Variants in DNAH7 observed in about 807,000 individuals in gnomAD.
The protein encoded by DNAH7 is dynein axonemal heavy chain 7.
DNAH7 carries 397 observed loss-of-function variants against 444.6 expected under a neutral mutation model. The ratio of observed to expected loss-of-function variants is 0.89; its 90% confidence interval spans 0.82 to 0.97. The LOEUF is 0.97. Ranked by LOEUF, DNAH7 falls within the 50% of genes least tolerant of loss-of-function variation. The probability of loss-of-function intolerance (pLI) is 0.00; values close to 1 mark genes in which losing one functional copy is unlikely to be tolerated. For missense variants in DNAH7, 4,902 were observed against 4,800.8 expected (o/e 1.02, Z -0.62); for synonymous variants, 1,636 against 1,624.4 (o/e 1.01, Z -0.17).
At chr2:195,926,282 T>G (rs1025977249) in intron 22 of DNAH7, 144 bp downstream of exon 22, 10 of 718,906 alleles carry the variant, frequency 1.4e-5, no homozygotes, top group Non-Finnish European at 1.4e-5. Context: ...GCAATTTTTA[T>G]TTAAAAAATC....
chr2:195,797,051 CTGGCAGTCTTGCA>C (rs1696180941), intron 55 of DNAH7, among the ~76,000 whole-genome samples: 1 of 152,170 alleles, frequency 6.6e-6, no homozygotes, highest in Admixed American at 6.6e-5. Context: ...ATGAAAGGCA[CTGGCAGTCTTGCA>C]GCAACTCCTA....
At chr2:195,936,907 T>A (rs1002231082) in intron 19 of DNAH7, 115 bp from the exon 20 acceptor site, 1 of 876,880 alleles carries the variant, frequency 1.1e-6, no homozygotes, top group Non-Finnish European at 1.6e-6. Flanking sequence ...ATGTAAATTT[T>A]AAGGGGAGTA....
At chr2:195,895,999 C>A (rs140107734) in intron 29 of DNAH7, among the ~76,000 whole-genome samples, 1 of 152,134 alleles carries the variant, frequency 6.6e-6, no homozygotes, top group Non-Finnish European at 1.5e-5. Context: ...TAGGCTACTA[C>A]AAATAAAGTG....
chr2:195,901,215 G>A (rs1180421635), intron 27 of DNAH7: 3 of 151,952 alleles, frequency 2.0e-5, no homozygotes, highest in Admixed American at 6.6e-5. Context: ...GGCTTGATTA[G>A]GGGTATTGTT....
chr2:196,036,257 C>T (rs548923494), intron 5 of DNAH7, among the ~76,000 whole-genome samples: 2 of 152,222 alleles, frequency 1.3e-5, no homozygotes, highest in South Asian at 4.1e-4. Context: ...TGGTCTCGAA[C>T]TCCTGACCTC....
At position 195,982,201 on chromosome 2, in the gene DNAH7, A is replaced by C. The variant is rs115996473; in HGVS notation, c.1833+2431T>G. 6.0e-3 allele frequency among the ~76,000 whole-genome samples: 920 copies of C among 152,200 alleles called. 8 individuals are homozygous for C. Among genetic ancestry groups the C allele is most frequent in the African/African-American group, 0.021 (886 of 41,432 alleles). ...TGAATAGATATTTTTCAAAAGACAT[A>C]CAAATGGCAAACAGGCATATGGAAA... On this transcript the variant is annotated intron_variant, in intron 15 of 64. Transcript: ENST00000312428.
intron 64 of DNAH7, among the ~76,000 whole-genome samples, 184 bp downstream of exon 64, chr2:195,740,582 T>C (rs2105872506): frequency 1.4e-5 from 1 of 73,622 alleles, no homozygotes; most frequent in South Asian, 4.9e-4. Flanking sequence ...GAATTGACTG[T>C]ATATGTGTGT....
intron 48 of DNAH7, among the ~76,000 whole-genome samples, chr2:195,832,109 T>C (rs1698104530): frequency 6.6e-6 from 1 of 152,244 alleles, no homozygotes; most frequent in South Asian, 2.1e-4. Context: ...CCTTGCAGCC[T>C]ACTATGTTCT....
chr2:195,777,979 G>T lies in DNAH7; in HGVS notation c.10885C>A (p.Pro3629Thr). ...GTCATGTACCGCAGAGCCTCATACGGCAGTTCCTAAAATAGTGCGTGTCAG... is the reference window on the plus strand; with the variant it reads ...GTCATGTACCGCAGAGCCTCATACGTCAGTTCCTAAAATAGTGCGTGTCAG... The part of the protein sequence containing the change: ...HMFLNQYEEL[P>T]YEALRYMTGE... The change falls in exon 59 of 65, where the codon CCG (proline) becomes ACG (threonine). Residue 3629 changes from proline (P) to threonine (T), a missense_variant. Physicochemically the swap from Pro to Thr is conservative, Grantham distance 38 (BLOSUM62 -1). Coordinates refer to ENST00000312428, the MANE Select transcript of DNAH7 (RefSeq NM_018897.3). 2 of 1,608,748 alleles carry T rather than the reference G, an allele frequency of 1.2e-6. No homozygotes were observed. The highest frequency in any genetic ancestry group is 8.5e-7 in the Non-Finnish European group (1 of 1,176,642).
intron 61 of DNAH7, among the ~76,000 whole-genome samples, chr2:195,770,550 T>C (rs528878766): frequency 6.6e-6 from 1 of 152,170 alleles, no homozygotes; most frequent in African/African-American, 2.4e-5. Context: ...TGAAATACTC[T>C]TCCCTGAAAC....
At chr2:195,938,730 T>C (rs1336894888) in intron 19 of DNAH7, among the ~76,000 whole-genome samples, 2 of 152,182 alleles carry the variant, frequency 1.3e-5, no homozygotes, top group African/African-American at 4.8e-5. Context: ...TTTTTTATTA[T>C]TGAATTTCCA....
chr2:195,895,028 T>G lies in DNAH7; in HGVS notation c.4844A>C (p.Lys1615Thr), dbSNP rs971047647. ...AGCTAAGACACGATATGCACTAGTT[T>G]TTCCTCCAAATGGTTCTCCAACAAT... ...FMIVGEPFGG[K>T]TSAYRVLAGA... Residue 1615 changes from lysine to threonine, a missense_variant, in exon 30 of 65, where the codon AAA (lysine) becomes ACA (threonine). Lys to Thr is a moderately conservative substitution (Grantham distance 78, BLOSUM62 -1). Coordinates refer to ENST00000312428, the MANE Select transcript of DNAH7 (RefSeq NM_018897.3). 6 of 1,612,938 alleles carry G rather than the reference T, an allele frequency of 3.7e-6. No homozygotes were observed. In the African/African-American group the frequency reaches 8.0e-5, roughly 22 times the overall value.
intron 48 of DNAH7, among the ~76,000 whole-genome samples, chr2:195,830,584 C>T (rs759189383): frequency 6.6e-6 from 1 of 152,078 alleles, no homozygotes; most frequent in East Asian, 1.9e-4. Context: ...AAAATAAGGG[C>T]AATCATGGAA....
chr2:195,873,241 A>G (rs898185057), intron 39 of DNAH7, among the ~76,000 whole-genome samples: 3 of 152,220 alleles, frequency 2.0e-5, no homozygotes, highest in Non-Finnish European at 4.4e-5. Context: ...CTTGGACACG[A>G]ATACCCCTGC....
At chr2:196,055,661 T>C (rs1325992287) in intron 2 of DNAH7, among the ~76,000 whole-genome samples, 1 of 152,242 alleles carries the variant, frequency 6.6e-6, no homozygotes, top group Non-Finnish European at 1.5e-5. Context: ...GGCAAAGGCC[T>C]GAGAAGAATG....
intron 40 of DNAH7, among the ~76,000 whole-genome samples, chr2:195,865,287 T>C (rs1441949019): frequency 6.6e-6 from 1 of 152,144 alleles, no homozygotes; most frequent in African/African-American, 2.4e-5. Flanking sequence ...GATGTAGAGA[T>C]GCTAAGAGAA....
intron 51 of DNAH7, among the ~76,000 whole-genome samples, chr2:195,812,970 T>C (rs564937661): frequency 1.3e-5 from 2 of 152,214 alleles, no homozygotes; most frequent in African/African-American, 2.4e-5. Flanking sequence ...TAAATAGGAC[T>C]GATCAAAGTT....
chr2:196,044,907 AAAT>A (rs1218410933), intron 5 of DNAH7, among the ~76,000 whole-genome samples: 1 of 151,874 alleles, frequency 6.6e-6, no homozygotes, highest in South Asian at 2.1e-4. Context: ...TCTCTACAAA[AAAT>A]AATAATAATA....
At chr2:196,024,962 T>C (rs1171649404) in intron 7 of DNAH7, among the ~76,000 whole-genome samples, 3 of 151,002 alleles carry the variant, frequency 2.0e-5, no homozygotes, top group Admixed American at 6.6e-5. Flanking sequence ...ATAATAAAAA[T>C]AACAGACAAC....
Sources: gnomAD v4.1 joint callset for allele counts (sites outside exome capture counted in the v4.1 genomes callset) on GRCh38, gnomAD v4.1.1 for gene constraint, MANE v1.5 for transcripts, NCBI Gene and HGNC (gene_info 2026-07-23, HGNC 2026-07-21) for gene names.